Variants in CDH13 observed in about 807,000 individuals in gnomAD.
CDH13 encodes cadherin 13.
Under a neutral mutation model 63.8 loss-of-function variants are expected in CDH13, and 24 were observed. That is an observed-to-expected ratio of 0.38 (90% confidence interval 0.27 to 0.53). The LOEUF is 0.53. Ranked by LOEUF, CDH13 falls within the 20% of genes least tolerant of loss-of-function variation. CDH13 has a pLI of 0.85. For missense variants in CDH13, 1,049 were observed against 903.1 expected (o/e 1.16, Z -2.07); for synonymous variants, 503 against 355.3 (o/e 1.42, Z -4.67).
chr16:83,770,981 CCT>C (rs553367803), intron 11 of CDH13, among the ~76,000 whole-genome samples: 67 of 152,122 alleles, frequency 4.4e-4, no homozygotes, highest in Non-Finnish European at 8.4e-4. Context: ...GATTTCAATG[CCT>C]CTGACACACT....
intron 2 of CDH13, among the ~76,000 whole-genome samples, chr16:83,030,618 G>C (rs1355170605): frequency 7.5e-6 from 1 of 133,714 alleles, no homozygotes; most frequent in Non-Finnish European, 1.5e-5. Context: ...ACTCCAGTCT[G>C]GATGACAGAG....
At chr16:83,693,671 G>T (rs1456214831) in intron 10 of CDH13, among the ~76,000 whole-genome samples, 2 of 152,200 alleles carry the variant, frequency 1.3e-5, no homozygotes, top group African/African-American at 2.4e-5. Context: ...GCTATTAAAT[G>T]TAGGAGTTGA....
At chr16:82,737,544 A>C (rs546817991) in intron 1 of CDH13, among the ~76,000 whole-genome samples, 15 of 152,340 alleles carry the variant, frequency 9.8e-5, no homozygotes, top group African/African-American at 3.1e-4. Flanking sequence ...CCACTGCCCC[A>C]ACGGTCTTGC....
intron 1 of CDH13, among the ~76,000 whole-genome samples, chr16:82,641,142 C>G (rs111807478): frequency 6.6e-6 from 1 of 152,152 alleles, no homozygotes; most frequent in Non-Finnish European, 1.5e-5. Context: ...CTGTGTAAAG[C>G]TCATTTCCGA....
chr16:83,177,515 A>C (rs1320424959), intron 4 of CDH13, among the ~76,000 whole-genome samples: 1 of 152,156 alleles, frequency 6.6e-6, no homozygotes, highest in Non-Finnish European at 1.5e-5. Context: ...TAAGTTGGAG[A>C]TTGTGATGAT....
chr16:83,012,911 C>G (rs1289458157), intron 2 of CDH13, among the ~76,000 whole-genome samples: 1 of 152,114 alleles, frequency 6.6e-6, no homozygotes, highest in Non-Finnish European at 1.5e-5. Context: ...AAAGGCAATA[C>G]AATACACATG....
At chr16:83,471,224 G>A (rs1288115186) in intron 6 of CDH13, among the ~76,000 whole-genome samples, 1 of 148,348 alleles carries the variant, frequency 6.7e-6, no homozygotes, top group Non-Finnish European at 1.5e-5. Flanking sequence ...ATTCACAGTT[G>A]TTGGGGATTA....
chr16:83,391,150 T>C (rs1281239905), intron 6 of CDH13, among the ~76,000 whole-genome samples: 13 of 152,084 alleles, frequency 8.5e-5, no homozygotes, highest in African/African-American at 2.7e-4. Context: ...AATAAGTATC[T>C]GCCAAGATGC....
chr16:83,010,158 A>AAAAAAAAAAAAAAAAC (rs1555561348), intron 2 of CDH13, among the ~76,000 whole-genome samples: 1 of 136,726 alleles, frequency 7.3e-6, no homozygotes, highest in African/African-American at 2.7e-5. Context: ...AAAAAAAAAA[A>AAAAAAAAAAAAAAAAC]AAAACAAGAA....
At chr16:82,967,114 C>A (rs565616277) in intron 2 of CDH13, among the ~76,000 whole-genome samples, 1 of 151,984 alleles carries the variant, frequency 6.6e-6, no homozygotes, top group Non-Finnish European at 1.5e-5. Flanking sequence ...TTAGTTTGTT[C>A]GGTGTCTCCC....
chr16:83,622,248 C>G (rs1026923200), intron 8 of CDH13, among the ~76,000 whole-genome samples: 4 of 152,204 alleles, frequency 2.6e-5, no homozygotes, highest in African/African-American at 9.6e-5. Context: ...ATACCTGAGA[C>G]TTCAGCGTGG....
chr16:83,687,881 G>A (rs1462183118), intron 10 of CDH13, among the ~76,000 whole-genome samples: 1 of 152,186 alleles, frequency 6.6e-6, no homozygotes, highest in Non-Finnish European at 1.5e-5. Context: ...ATCTGAATCA[G>A]ATCCAAATTA....
At chr16:82,876,151 G>T (rs1012514215) in intron 2 of CDH13, among the ~76,000 whole-genome samples, 1 of 152,140 alleles carries the variant, frequency 6.6e-6, no homozygotes, top group Non-Finnish European at 1.5e-5. Flanking sequence ...GTAAATAGTG[G>T]GAGTTACAAT....
chr16:83,610,520 T>G (rs146023302), intron 8 of CDH13, among the ~76,000 whole-genome samples: 1 of 152,192 alleles, frequency 6.6e-6, no homozygotes, highest in African/African-American at 2.4e-5. Flanking sequence ...ACCTGCTCGG[T>G]AAAACAGCTC....
intron 1 of CDH13, among the ~76,000 whole-genome samples, chr16:82,774,997 G>C (rs545945155): frequency 6.6e-6 from 1 of 152,322 alleles, no homozygotes; most frequent in East Asian, 1.9e-4. Context: ...GAGCAAGATT[G>C]GGTTGCAGAC....
intron 2 of CDH13, among the ~76,000 whole-genome samples, chr16:82,958,390 C>T (rs934723818): frequency 1.3e-5 from 2 of 152,038 alleles, no homozygotes; most frequent in Non-Finnish European, 2.9e-5. Flanking sequence ...GGAGAGGATG[C>T]GGTGAAGAAA....
At chr16:83,559,247 T>C (rs4782817) in intron 7 of CDH13, among the ~76,000 whole-genome samples, 115,876 of 152,102 alleles carry the variant, frequency 0.76, 44,074 homozygotes, top group Middle Eastern at 0.84. Flanking sequence ...TGTTGATCAC[T>C]TCACATGTAG....
chr16:83,736,520 C>G (rs181566856), intron 10 of CDH13, among the ~76,000 whole-genome samples: 11 of 152,190 alleles, frequency 7.2e-5, no homozygotes, highest in African/African-American at 2.6e-4. Context: ...ACGAAATGAC[C>G]CTTACGAAGT....
At chr16:83,008,023 A>G (rs1913726533) in intron 2 of CDH13, among the ~76,000 whole-genome samples, 1 of 152,184 alleles carries the variant, frequency 6.6e-6, no homozygotes, top group African/African-American at 2.4e-5. Context: ...GATGGATCAT[A>G]GTTGCTAAGA....
Sources: allele counts gnomAD v4.1 joint callset (sites outside exome capture counted in the v4.1 genomes callset), GRCh38; gene constraint gnomAD v4.1.1; transcripts MANE v1.5; gene names NCBI Gene and HGNC (gene_info 2026-07-23, HGNC 2026-07-21).